Variants in CSRNP3 observed in about 807,000 individuals in gnomAD.
CSRNP3 encodes cysteine/serine-rich nuclear protein 3.
In CSRNP3, 12 loss-of-function variants were observed where a neutral mutation model predicts 48.0. That is an observed-to-expected ratio of 0.25 (90% CI 0.16 to 0.41). CSRNP3 has a LOEUF of 0.41. Among genes scored for constraint, CSRNP3 ranks in the 10% least tolerant of loss-of-function variants. The pLI is 1.00. For missense variants in CSRNP3, 580 were observed against 724.4 expected (o/e 0.80, Z 2.29); for synonymous variants, 263 against 269.7 (o/e 0.98, Z 0.24).
chr2:165,480,237 C>T (rs756865251), intron 1 of CSRNP3, among the ~76,000 whole-genome samples: 2 of 152,180 alleles, frequency 1.3e-5, no homozygotes, highest in Non-Finnish European at 2.9e-5. Context: ...TTCAAGGGCT[C>T]ATGTGATTAG....
rs1420576665 is a variant in CSRNP3, at chr2:165,620,175, A to T, written c.148+24962A>T. Among the ~76,000 whole-genome samples the T allele has an allele frequency of 2.0e-4, 30 of 152,138 alleles. 1 individual carries two copies. Among genetic ancestry groups the T allele is most frequent in the Admixed American group, 2.0e-3 (30 of 15,262 alleles). ...AATTTTTACACAGTTTTTCTTTGTG[A>T]TCAATGTGATATATAGCCAGAGCTT... On this transcript the variant is annotated intron_variant, in intron 4 of 6. Coordinates refer to ENST00000651982, the MANE Select transcript of CSRNP3 (RefSeq NM_001172173.2).
In CSRNP3 at chr2:165,472,176, G is replaced by A. The variant is rs77727546; in HGVS notation, c.-283+2436G>A. Among the ~76,000 whole-genome samples, 1,443 of 152,004 alleles carry A rather than the reference G, an allele frequency of 9.5e-3. 14 individuals are homozygous for A. Among genetic ancestry groups the A allele is most frequent in the African/African-American group, 0.031 (1,299 of 41,498 alleles). On this transcript the variant is annotated intron_variant, in intron 1 of 6. Coordinates refer to ENST00000651982, the MANE Select transcript of CSRNP3 (RefSeq NM_001172173.2). ...AATCACTTTAATCATAAAGAGAGAA[G>A]CTTGGTATATGTCCAGGCTATGGAT...
chr2:165,659,997 C>A (rs1687069731), intron 5 of CSRNP3, among the ~76,000 whole-genome samples: 1 of 152,176 alleles, frequency 6.6e-6, no homozygotes, highest in Non-Finnish European at 1.5e-5. Flanking sequence ...CACTGAAAGT[C>A]TCGGGTCTCA....
In CSRNP3 at chr2:165,677,986, AG is replaced by A. The variant is rs369993345; in HGVS notation, c.706-709del. ...TTGTATCTAATGGAATGGAGAGGGA[AG>A]GGGGGACTCAGGACCTAAACACATG... On this transcript the variant is annotated intron_variant, in intron 6 of 6. Coordinates refer to ENST00000651982, the MANE Select transcript of CSRNP3 (RefSeq NM_001172173.2). Among the ~76,000 whole-genome samples, 972 of 152,252 alleles carry A rather than the reference AG, an allele frequency of 6.4e-3. 9 individuals carry two copies. Among genetic ancestry groups the A allele is most frequent in the African/African-American group, 0.022 (909 of 41,526 alleles).
intron 5 of CSRNP3, among the ~76,000 whole-genome samples, chr2:165,668,401 C>CTTTTTTT (rs71393687): frequency 2.6e-4 from 29 of 111,498 alleles, no homozygotes; most frequent in Non-Finnish European, 3.9e-4. Flanking sequence ...TTCTTTCTTT[C>CTTTTTTT]TTTTTTTTTT....
Position 165,518,643 on chromosome 2 carries a change from A to T in CSRNP3, c.-24+682A>T, listed in dbSNP as rs540277874. Among the ~76,000 whole-genome samples the T allele has an allele frequency of 1.4e-4, 22 of 152,134 alleles. No individual in the cohort carries two copies. In the South Asian group the frequency reaches 4.6e-3, roughly 31 times the overall value. On this transcript the variant is annotated intron_variant, in intron 3 of 6. Transcript: ENST00000651982. The stretch of plus-strand genomic sequence containing the variant: ...GGTTAAAGTGGTTTAGTCTAATTGG[A>T]TACCTTGAAAAAGTAGATGATTTTT...
At chr2:165,498,749 G>A (rs1189623584) in intron 2 of CSRNP3, among the ~76,000 whole-genome samples, 1 of 152,080 alleles carries the variant, frequency 6.6e-6, no homozygotes, top group Non-Finnish European at 1.5e-5. Context: ...TAGTCCTGGT[G>A]ATGTTAATGG....
chr2:165,626,452 G>A (rs1284834303), intron 4 of CSRNP3, among the ~76,000 whole-genome samples: 1 of 152,200 alleles, frequency 6.6e-6, no homozygotes, highest in African/African-American at 2.4e-5. Context: ...TCCTTACCGT[G>A]TATATGGATT....
At chr2:165,596,603 T>C (rs1460612330) in intron 4 of CSRNP3, among the ~76,000 whole-genome samples, 1 of 152,182 alleles carries the variant, frequency 6.6e-6, no homozygotes, top group African/African-American at 2.4e-5. Flanking sequence ...ATTTATAAAA[T>C]ATTCAGGGAT....
rs1384312940 is a variant in CSRNP3, at chr2:165,686,263, AC to A, written c.*6515del. On this transcript the variant is annotated 3_prime_UTR_variant, in exon 7 of 7. Coordinates refer to ENST00000651982, the MANE Select transcript of CSRNP3 (RefSeq NM_001172173.2). ...TACTGCCACACTGGATAAGGCCACT[AC>A]CCCCGACCCTTCTTGTCAGGGACAT... is the stretch of plus-strand genomic sequence containing the variant. 1 of 152,160 alleles carries A rather than the reference AC, an allele frequency of 6.6e-6. No individual in the cohort carries two copies. Among genetic ancestry groups the A allele is most frequent in the East Asian group, 1.9e-4 (1 of 5,182 alleles). 9.4% of individuals were successfully genotyped at this position (152,160 alleles called of 1,614,324 possible). A position where few individuals can be genotyped will look rare whatever the true frequency, so the allele number is the denominator to read the frequency against.
At position 165,666,063 on chromosome 2, in the gene CSRNP3, A is replaced by G. The variant is rs376305915; in HGVS notation, c.408+8043A>G. 6.5e-4 allele frequency among the ~76,000 whole-genome samples: 49 copies of G among 75,236 alleles called. 1 individual carries two copies. Among genetic ancestry groups the G allele is most frequent in the Non-Finnish European group, 9.1e-4 (34 of 37,256 alleles). 49.4% of individuals were successfully genotyped at this position (75,236 alleles called of 152,430 possible). ...AGGAAGGAAGGAAAGAGAGAGGAAG[A>G]AAGAAAGAGAGAGAGAGAAAGGAAG... On this transcript the variant is annotated intron_variant, in intron 5 of 6. Transcript: ENST00000651982.
chr2:165,679,005 A>G lies in CSRNP3; in HGVS notation c.1010A>G (p.Asp337Gly), dbSNP rs1187661319. 5 of 1,613,824 alleles carry G rather than the reference A, an allele frequency of 3.1e-6. No homozygotes were observed. In the Admixed American group the frequency reaches 6.7e-5, roughly 22 times the overall value. Residue 337 changes from aspartate to glycine, a missense_variant, in exon 7 of 7, where the codon GAT becomes GGT. Physicochemically the swap from Asp to Gly is moderately conservative, Grantham distance 94. Coordinates refer to ENST00000651982, the MANE Select transcript of CSRNP3 (RefSeq NM_001172173.2). ...VLHLQSAEEL[D>G]CQGEEEEEEE... is the part of the protein sequence containing the mutation. ...CACCTGCAGTCGGCTGAAGAATTAGATTGCCAAGGAGAGGAGGAGGAAGAA... is the reference window on the plus strand; with the variant it reads ...CACCTGCAGTCGGCTGAAGAATTAGGTTGCCAAGGAGAGGAGGAGGAAGAA...
chr2:165,541,257 G>C (rs535564998), intron 3 of CSRNP3, among the ~76,000 whole-genome samples: 2 of 151,426 alleles, frequency 1.3e-5, no homozygotes, highest in South Asian at 2.1e-4. Context: ...AGGACTTCCA[G>C]GTTCTTTTTT....
intron 3 of CSRNP3, among the ~76,000 whole-genome samples, chr2:165,580,023 G>T (rs1312250609): frequency 6.8e-6 from 1 of 146,788 alleles, no homozygotes; most frequent in Non-Finnish European, 1.5e-5. Context: ...CCACCTCCCG[G>T]GTTCACGCCA....
At chr2:165,615,114 T>C (rs1026202145) in intron 4 of CSRNP3, among the ~76,000 whole-genome samples, 5 of 152,246 alleles carry the variant, frequency 3.3e-5, no homozygotes, top group African/African-American at 1.2e-4. Flanking sequence ...GTTTCTTTGT[T>C]GACTTTTGTC....
intron 2 of CSRNP3, among the ~76,000 whole-genome samples, chr2:165,510,342 C>T (rs1684485419): frequency 6.6e-6 from 1 of 152,040 alleles, no homozygotes; most frequent in Non-Finnish European, 1.5e-5. Flanking sequence ...TTTACTCAGT[C>T]ATTTATTTAG....
intron 6 of CSRNP3, among the ~76,000 whole-genome samples, chr2:165,677,975 A>AT (rs939167459): frequency 1.3e-5 from 2 of 152,126 alleles, no homozygotes; most frequent in Non-Finnish European, 2.9e-5. Flanking sequence ...ATCTAATGGA[A>AT]TGGAGAGGGA....
At chr2:165,669,527 G>C (rs970622848) in intron 5 of CSRNP3, among the ~76,000 whole-genome samples, 1 of 152,164 alleles carries the variant, frequency 6.6e-6, no homozygotes, top group Admixed American at 6.5e-5. Flanking sequence ...GCTCAAAGCT[G>C]TCTGGGTATC....
intron 1 of CSRNP3, among the ~76,000 whole-genome samples, chr2:165,487,797 G>T: frequency 6.6e-6 from 1 of 150,626 alleles, no homozygotes; most frequent in Non-Finnish European, 1.5e-5. Context: ...TGAAGGAAGT[G>T]CTAAACATGG....
Sources: gnomAD v4.1 joint callset for allele counts (sites outside exome capture counted in the v4.1 genomes callset) on GRCh38, gnomAD v4.1.1 for gene constraint, MANE v1.5 for transcripts, NCBI Gene and HGNC (gene_info 2026-07-23, HGNC 2026-07-21) for gene names.